The following IL2RA variants were observed in gnomAD, a reference collection of about 807,000 sequenced individuals.
IL2RA encodes the protein interleukin-2 receptor subunit alpha.
IL2RA carries 24 observed loss-of-function variants against 37.8 expected under a neutral mutation model. The ratio of observed to expected loss-of-function variants is 0.63; its 90% confidence interval spans 0.46 to 0.89. The LOEUF (loss-of-function observed/expected upper bound fraction) is 0.89. Among genes scored for constraint, IL2RA ranks in the 40% least tolerant of loss-of-function variants. IL2RA has a pLI of 0.00. For missense variants in IL2RA, 319 were observed against 348.6 expected (o/e 0.92, Z 0.68); for synonymous variants, 125 against 114.6 (o/e 1.09, Z -0.58).
rs1839241582 is a variant in IL2RA, at chr10:6,014,284, T to C, written c.795-1388A>G. Among the ~76,000 whole-genome samples, 1 of 152,112 alleles carries C rather than the reference T, an allele frequency of 6.6e-6. No homozygotes were observed. The highest frequency in any genetic ancestry group is 6.5e-5 in the Admixed American group (1 of 15,272). ...AAAAATATTTCCCCAACCAAAACTC[T>C]CTGGCTGGGCTACAGTGATCTTTCG... On this transcript the variant is annotated intron_variant, in intron 7 of 7. Transcript: ENST00000379959. The surrounding 1 kb of genome is among the most constrained non-coding windows in gnomAD (Gnocchi z 4.4).
Position 6,022,541 on chromosome 10 carries a change from A to G in IL2RA, c.368-848T>C, listed in dbSNP as rs1444721522. Among the ~76,000 whole-genome samples, 1 of 152,116 alleles carries G rather than the reference A, an allele frequency of 6.6e-6. No individual in the cohort carries two copies. Among genetic ancestry groups the G allele is most frequent in the East Asian group, 1.9e-4 (1 of 5,198 alleles). ...TGCTCTGAACTTCCAGACTCTCCCC[A>G]ACCCTGCATACCCAACAGAGCCTCT... On this transcript the variant is annotated intron_variant, in intron 3 of 7. Transcript: ENST00000379959. The surrounding 1 kb of genome is among the most constrained non-coding windows in gnomAD (Gnocchi z 4.7).
intron 1 of IL2RA, among the ~76,000 whole-genome samples, chr10:6,055,284 T>A (rs924088153): frequency 6.6e-6 from 1 of 152,162 alleles, no homozygotes; most frequent in Non-Finnish European, 1.5e-5. Flanking sequence ...CATTATTCCA[T>A]CTCTCTAATT....
rs769164710 is a variant in IL2RA at position 6,028,090 on chromosome 10, C to T, written c.65-2065G>A. Among the ~76,000 whole-genome samples the T allele has an allele frequency of 6.6e-5, 10 of 152,114 alleles. No homozygotes were observed. Among genetic ancestry groups the T allele is most frequent in the Non-Finnish European group, 1.2e-4 (8 of 68,022 alleles). On this transcript the variant is annotated intron_variant, in intron 1 of 7. Coordinates refer to ENST00000379959, the MANE Select transcript of IL2RA (RefSeq NM_000417.3). This position sits in a 1 kb window ranked among gnomAD's most constrained non-coding sequence, Gnocchi z 4.1. ...TACATGATTTTGGAGGAGGGAAACA[C>T]GTGAGAGGCGCCCACAGTTGCCCTG...
rs1412798420 is a variant in IL2RA, at chr10:6,014,337, C to T, written c.795-1441G>A. 6.6e-6 allele frequency among the ~76,000 whole-genome samples: 1 copy of T among 152,014 alleles called. No individual in the cohort carries two copies. On this transcript the variant is annotated intron_variant, in intron 7 of 7. Transcript: ENST00000379959. The surrounding 1 kb of genome is among the most constrained non-coding windows in gnomAD (Gnocchi z 4.4). Reference sequence around the variant, plus strand: ...AATTCAAATGCAGCATTTCTGTTGCCACAAGAGGGCACCATGGGTTGATAT... The same window carrying T: ...AATTCAAATGCAGCATTTCTGTTGCTACAAGAGGGCACCATGGGTTGATAT...
intron 1 of IL2RA, among the ~76,000 whole-genome samples, chr10:6,042,581 T>C (rs1431857335): frequency 2.0e-5 from 3 of 152,132 alleles, no homozygotes; most frequent in Non-Finnish European, 4.4e-5. Context: ...AAAATTGTCA[T>C]TTATAAGTAA....
At position 6,015,017 on chromosome 10, in the gene IL2RA, A is replaced by T. The variant is rs1383985033; in HGVS notation, c.795-2121T>A. Among the ~76,000 whole-genome samples the T allele has an allele frequency of 6.6e-6, 1 of 151,792 alleles. No homozygotes were observed. The highest frequency in any genetic ancestry group is 1.5e-5 in the Non-Finnish European group (1 of 67,946). On this transcript the variant is annotated intron_variant, in intron 7 of 7. Transcript: ENST00000379959. This position sits in a 1 kb window ranked among gnomAD's most constrained non-coding sequence, Gnocchi z 4.9. Reference sequence around the variant, plus strand: ...GAGTGGATGCTGGCAGGGGTCAGGGAGGCCCTGGATAATCAAGAGAGAGAC... The same window carrying T: ...GAGTGGATGCTGGCAGGGGTCAGGGTGGCCCTGGATAATCAAGAGAGAGAC...
At position 6,018,155 on chromosome 10, in the gene IL2RA, T is replaced by G; in HGVS notation, c.728-36A>C. 1.0e-4 allele frequency: 151 copies of G among 1,494,350 alleles called. No individual in the cohort carries two copies. Among genetic ancestry groups the G allele is most frequent in the Middle Eastern group, 1.7e-4 (1 of 5,726 alleles). 92.6% of individuals were successfully genotyped at this position (1,494,350 alleles called of 1,614,324 possible). On this transcript the variant is annotated intron_variant, in intron 6 of 7. Transcript: ENST00000379959. The surrounding 1 kb of genome is among the most constrained non-coding windows in gnomAD (Gnocchi z 5.1). ...AGAGAGGGAGTTCAGCAAAGGGCCC[T>G]GGGCTTGGCATGGGGGCAGCAGGAG...
At chr10:6,060,233 C>T (rs145458336) in intron 1 of IL2RA, among the ~76,000 whole-genome samples, 57 of 152,214 alleles carry the variant, frequency 3.7e-4, no homozygotes, top group South Asian at 1.7e-3. Flanking sequence ...TTTATAAGAA[C>T]GGCACGATGG....
In IL2RA at chr10:6,018,068, G is replaced by A; in HGVS notation, c.779C>T (p.Thr260Ile). The change falls in exon 7 of 8, where the codon ACC becomes ATC. Residue 260 changes from threonine to isoleucine, a missense_variant. Transcript: ENST00000379959. The surrounding 1 kb of genome is among the most constrained non-coding windows in gnomAD (Gnocchi z 5.1). Reference sequence around the variant, plus strand: ...CCACACTTACTGTCTCCGCTGCCAGGTGAGCCCACTCAGGAGGAGGACGCT... The same window carrying A: ...CCACACTTACTGTCTCCGCTGCCAGATGAGCCCACTCAGGAGGAGGACGCT... The part of the protein sequence containing the change: ...LISVLLLSGL[T>I]WQRRQRKSRR... 6.2e-7 allele frequency: 1 copy of A among 1,613,936 alleles called. No homozygotes were observed. The highest frequency in any genetic ancestry group is 8.5e-7 in the Non-Finnish European group (1 of 1,179,864).
chr10:6,056,801 A>G lies in IL2RA; in HGVS notation c.64+5287T>C, dbSNP rs1341562680. Among the ~76,000 whole-genome samples the G allele has an allele frequency of 2.6e-5, 4 of 152,170 alleles. No homozygotes were observed. Among genetic ancestry groups the G allele is most frequent in the Non-Finnish European group, 5.9e-5 (4 of 68,022 alleles). On this transcript the variant is annotated intron_variant, in intron 1 of 7. Transcript: ENST00000379959. This position sits in a 1 kb window ranked among gnomAD's most constrained non-coding sequence, Gnocchi z 5.0. ...CTTCTCTCAGGGAATGGCCTGGGAT[A>G]GAGAAGAGAAACAGGTTCCCACTCA...
rs573229379 is a variant in IL2RA at position 6,025,135 on chromosome 10, C to T, written c.256+699G>A. Reference sequence around the variant, plus strand: ...CTATAAGGCCCAGGCAGGAGAATCACTTGAGGCCAGGAGTTCGAGACCAGC... The same window carrying T: ...CTATAAGGCCCAGGCAGGAGAATCATTTGAGGCCAGGAGTTCGAGACCAGC... On this transcript the variant is annotated intron_variant, in intron 2 of 7. Coordinates refer to ENST00000379959, the MANE Select transcript of IL2RA (RefSeq NM_000417.3). The surrounding 1 kb of genome is among the most constrained non-coding windows in gnomAD (Gnocchi z 4.4). Among the ~76,000 whole-genome samples, 58 of 152,064 alleles carry T rather than the reference C, an allele frequency of 3.8e-4. No homozygotes were observed. Among genetic ancestry groups the T allele is most frequent in the African/African-American group, 1.2e-3 (49 of 41,480 alleles).
rs1171136555 is a variant in IL2RA, at chr10:6,047,859, T to C, written c.64+14229A>G. On this transcript the variant is annotated intron_variant, in intron 1 of 7. Coordinates refer to ENST00000379959, the MANE Select transcript of IL2RA (RefSeq NM_000417.3). This position sits in a 1 kb window ranked among gnomAD's most constrained non-coding sequence, Gnocchi z 5.0. ...GACATCATACACTAATAGAGTATAA[T>C]AGTCAATATAATTAAAATTATTACT... Among the ~76,000 whole-genome samples the C allele has an allele frequency of 1.3e-5, 2 of 151,656 alleles. No homozygotes were observed. Among genetic ancestry groups the C allele is most frequent in the African/African-American group, 4.8e-5 (2 of 41,310 alleles).
At chr10:6,019,347 C>G (rs1839339674) in intron 6 of IL2RA, 81 bp downstream of exon 6, 1 of 1,087,320 alleles carries the variant, frequency 9.2e-7, no homozygotes, top group African/African-American at 1.5e-5. Flanking sequence ...AGCCAACCAA[C>G]TAACCAACCT....
intron 1 of IL2RA, among the ~76,000 whole-genome samples, chr10:6,026,300 A>G (rs1797183457): frequency 6.6e-6 from 1 of 152,214 alleles, no homozygotes; most frequent in Admixed American, 6.5e-5. Context: ...TATTCCGAAT[A>G]TGCCTCATGT....
In IL2RA at chr10:6,057,797, A is replaced by G. The variant is rs942062490; in HGVS notation, c.64+4291T>C. ...TTGAGGGACTGCCTGCCTTGATGAT[A>G]TCCATAGCTCGCAGAAGAATGACTC... On this transcript the variant is annotated intron_variant, in intron 1 of 7. Transcript: ENST00000379959. The surrounding 1 kb of genome is among the most constrained non-coding windows in gnomAD (Gnocchi z 4.8). 6.6e-6 allele frequency among the ~76,000 whole-genome samples: 1 copy of G among 152,154 alleles called. No homozygotes were observed. Among genetic ancestry groups the G allele is most frequent in the Non-Finnish European group, 1.5e-5 (1 of 68,032 alleles).
intron 7 of IL2RA, among the ~76,000 whole-genome samples, chr10:6,016,508 G>A (rs1273033506): frequency 2.6e-5 from 3 of 113,222 alleles, no homozygotes; most frequent in African/African-American, 6.6e-5. Context: ...TTAAAAATAC[G>A]TACTGATGTC....
rs1839207887 is a variant in IL2RA at position 6,012,656 on chromosome 10, G to A, written c.*216C>T. ...AACGGCGAAATTGCTATTTAGAAGT[G>A]GGTAGCGCTCGCTCTCTGATGGGAC... On this transcript the variant is annotated 3_prime_UTR_variant, in exon 8 of 8. Transcript: ENST00000379959. The surrounding 1 kb of genome is among the most constrained non-coding windows in gnomAD (Gnocchi z 4.8). 5 of 618,588 alleles carry A rather than the reference G, an allele frequency of 8.1e-6. No homozygotes were observed. The highest frequency in any genetic ancestry group is 1.5e-5 in the Non-Finnish European group (5 of 343,212). 38.3% of individuals were successfully genotyped at this position (618,588 alleles called of 1,614,324 possible). A position where few individuals can be genotyped will look rare whatever the true frequency, so the allele number is the denominator to read the frequency against.
chr10:6,053,495 C>T lies in IL2RA; in HGVS notation c.64+8593G>A, dbSNP rs11595600. On this transcript the variant is annotated intron_variant, in intron 1 of 7. Coordinates refer to ENST00000379959, the MANE Select transcript of IL2RA (RefSeq NM_000417.3). Reference sequence around the variant, plus strand: ...CGAAAGGAAACATAACTATCAGTATCGGAGTTGGTGCATGGGCCGGCTTTA... The same window carrying T: ...CGAAAGGAAACATAACTATCAGTATTGGAGTTGGTGCATGGGCCGGCTTTA... Among the ~76,000 whole-genome samples, 592 of 152,296 alleles carry T rather than the reference C, an allele frequency of 3.9e-3. 4 individuals carry two copies. Among genetic ancestry groups the T allele is most frequent in the Middle Eastern group, 0.01 (3 of 294 alleles).
rs1192293840 is a variant in IL2RA, at chr10:6,020,583, G to A, written c.584-642C>T. 6.6e-6 allele frequency among the ~76,000 whole-genome samples: 1 copy of A among 152,060 alleles called. No homozygotes were observed. The highest frequency in any genetic ancestry group is 1.5e-5 in the Non-Finnish European group (1 of 68,002). On this transcript the variant is annotated intron_variant, in intron 4 of 7. Transcript: ENST00000379959. This position sits in a 1 kb window ranked among gnomAD's most constrained non-coding sequence, Gnocchi z 5.6. ...CGGAGTCTTGCTGTTGCCCAGGCTGGAGTGCAGTGGTGTGATCTCAGCTCA... is the reference window on the plus strand; with the variant it reads ...CGGAGTCTTGCTGTTGCCCAGGCTGAAGTGCAGTGGTGTGATCTCAGCTCA...
Sources: allele counts gnomAD v4.1 joint callset (sites outside exome capture counted in the v4.1 genomes callset), GRCh38; gene constraint gnomAD v4.1.1; non-coding constraint Gnocchi (gnomAD v3.1); transcripts MANE v1.5; gene names NCBI Gene and HGNC (gene_info 2026-07-23, HGNC 2026-07-21).